The following PHYH variants were observed in gnomAD, a reference collection of about 807,000 sequenced individuals.
PHYH encodes the protein phytanoyl-CoA 2-hydroxylase, also known as phytanoyl-CoA dioxygenase, peroxisomal.
In PHYH, 32 loss-of-function variants were observed where a neutral mutation model predicts 38.5. The ratio of observed to expected loss-of-function variants is 0.83; its 90% CI spans 0.63 to 1.12. PHYH has a LOEUF of 1.12. PHYH is among the 50% of genes most tolerant of loss of function. PHYH has a pLI of 0.00. For synonymous variants in PHYH, 166 were observed against 157.9 expected (o/e 1.05, Z -0.38); for missense variants, 426 against 434.8 (o/e 0.98, Z 0.18).
At chr10:13,285,946 C>T (rs1835538792) in intron 6 of PHYH, among the ~76,000 whole-genome samples, 2 of 150,860 alleles carry the variant, frequency 1.3e-5, no homozygotes, top group South Asian at 4.2e-4. Context: ...CTTGCTCTGT[C>T]ACCCAGGCTG....
Position 13,288,526 on chromosome 10 carries a change from C to G in PHYH, c.512G>C (p.Arg171Pro), listed in dbSNP as rs752028596. 6.2e-7 allele frequency: 1 copy of G among 1,614,042 alleles called. No homozygotes were observed. Among genetic ancestry groups the G allele is most frequent in the Non-Finnish European group, 8.5e-7 (1 of 1,180,012 alleles). ...GTGCAGGTCCTGGTGCAGGGGGTGACGGGACGTCTTCTTGCCTGAAAAGAA... is the reference window on the plus strand; with the variant it reads ...GTGCAGGTCCTGGTGCAGGGGGTGAGGGGACGTCTTCTTGCCTGAAAAGAA... ...KPPDSGKKTS[R>P]HPLHQDLHYF... The change falls in exon 6 of 9, where the codon CGT (arginine) becomes CCT (proline). Residue 171 changes from arginine (R) to proline (P), a missense_variant. Physicochemically the swap from Arg to Pro is moderately radical, Grantham distance 103. Transcript: ENST00000263038.
At chr10:13,279,310 T>C (rs1835361394) in intron 8 of PHYH, among the ~76,000 whole-genome samples, 1 of 152,204 alleles carries the variant, frequency 6.6e-6, no homozygotes, top group Non-Finnish European at 1.5e-5. Flanking sequence ...ATGACTCTTA[T>C]GTTACTTGTC....
At chr10:13,291,553 C>CA (rs1210924689) in intron 5 of PHYH, 6 of 457,512 alleles carry the variant, frequency 1.3e-5, no homozygotes, top group African/African-American at 1.2e-4. Flanking sequence ...ATTATAGGTT[C>CA]ACTGCAGCCT....
chr10:13,286,163 T>A (rs1166764454), intron 6 of PHYH, among the ~76,000 whole-genome samples: 1 of 152,120 alleles, frequency 6.6e-6, no homozygotes, highest in Non-Finnish European at 1.5e-5. Flanking sequence ...CCTCCCACTT[T>A]GGCTCCCACA....
At chr10:13,284,478 C>T (rs1183874984) in intron 6 of PHYH, among the ~76,000 whole-genome samples, 3 of 152,124 alleles carry the variant, frequency 2.0e-5, no homozygotes, top group African/African-American at 7.2e-5. Context: ...TTAATGCAGG[C>T]AACCACCTAT....
intron 5 of PHYH, among the ~76,000 whole-genome samples, chr10:13,289,707 A>T (rs1835655148): frequency 6.6e-6 from 1 of 151,852 alleles, no homozygotes; most frequent in Admixed American, 6.6e-5. Context: ...TGAGGCAGGC[A>T]GCTCTCTTGA....
intron 5 of PHYH, 112 bp downstream of exon 5, chr10:13,291,719 T>G: frequency 1.3e-6 from 1 of 742,874 alleles, no homozygotes; most frequent in East Asian, 2.6e-5. Flanking sequence ...GCCTCAGAGA[T>G]CTTCCTCCCT....
chr10:13,298,367 G>GA (rs1832633667), intron 1 of PHYH, 122 bp from the exon 2 acceptor site: 1 of 650,198 alleles, frequency 1.5e-6, no homozygotes, highest in Admixed American at 2.2e-5. Flanking sequence ...AGGAGTTCGA[G>GA]ACCAGCCTGG....
intron 6 of PHYH, 79 bp downstream of exon 6, chr10:13,288,280 TA>T: frequency 1.6e-6 from 2 of 1,248,296 alleles, no homozygotes; most frequent in Non-Finnish European, 2.4e-6. Flanking sequence ...ATCTCATTTG[TA>T]AACTCTTTAG....
chr10:13,294,638 C>G (rs1202021622), intron 3 of PHYH, 42 bp from the exon 4 acceptor site: 1 of 1,570,402 alleles, frequency 6.4e-7, no homozygotes. Context: ...ACCGCTGGCT[C>G]CAAGCACCTG....
intron 1 of PHYH, 145 bp downstream of exon 1, chr10:13,299,823 C>T (rs1476323625): frequency 7.6e-7 from 1 of 1,321,854 alleles, no homozygotes; most frequent in Non-Finnish European, 9.6e-7. Context: ...AGAGACGCGA[C>T]CCAGGCGGGG....
chr10:13,284,647 A>G (rs55673722), intron 6 of PHYH, among the ~76,000 whole-genome samples: 8 of 152,324 alleles, frequency 5.3e-5, no homozygotes, highest in African/African-American at 1.7e-4. Flanking sequence ...TCTGAGCTCA[A>G]AGGCACTTAT....
At chr10:13,289,643 A>T (rs1304633393) in intron 5 of PHYH, among the ~76,000 whole-genome samples, 1 of 152,136 alleles carries the variant, frequency 6.6e-6, no homozygotes, top group African/African-American at 2.4e-5. Flanking sequence ...TGTCAAAAAA[A>T]GTTCTAAGCC....
intron 6 of PHYH, among the ~76,000 whole-genome samples, chr10:13,284,657 T>A (rs1032212395): frequency 6.6e-6 from 1 of 152,228 alleles, no homozygotes; most frequent in Non-Finnish European, 1.5e-5. Context: ...AAGGCACTTA[T>A]GTTACATCCA....
chr10:13,284,189 G>A lies in PHYH; in HGVS notation c.679-350C>T, dbSNP rs192609929. ...ACTGCAAAAATTAGCTGGGCGTGGT[G>A]GTGCCAGCCTGTGGTCCCAGCTACT... is the stretch of plus-strand genomic sequence containing the variant. On this transcript the variant is annotated intron_variant, in intron 6 of 8. Coordinates refer to ENST00000263038, the MANE Select transcript of PHYH (RefSeq NM_006214.4). Among the ~76,000 whole-genome samples the A allele has an allele frequency of 7.9e-5, 12 of 152,228 alleles. No homozygotes were observed. In the East Asian group the frequency reaches 2.1e-3, roughly 27 times the overall value.
chr10:13,286,313 T>C (rs1243552170), intron 6 of PHYH, among the ~76,000 whole-genome samples: 1 of 152,132 alleles, frequency 6.6e-6, no homozygotes. Flanking sequence ...CCATCACTCA[T>C]GAGCTCAAAT....
In PHYH at chr10:13,280,030, A is replaced by G. The variant is rs1239722821; in HGVS notation, c.963+946T>C. The stretch of plus-strand genomic sequence containing the variant: ...GTCGCCCAGGCTGGAGTGCAGTGGC[A>G]TGATCTCGGCTCACTGCAAGCTCCG... On this transcript the variant is annotated intron_variant, in intron 8 of 8. Coordinates refer to ENST00000263038, the MANE Select transcript of PHYH (RefSeq NM_006214.4). Among the ~76,000 whole-genome samples the G allele has an allele frequency of 6.6e-5, 10 of 150,778 alleles. No individual in the cohort carries two copies. In the East Asian group the frequency reaches 1.8e-3, roughly 27 times the overall value.
intron 3 of PHYH, 35 bp from the exon 4 acceptor site, chr10:13,294,631 G>C: frequency 6.3e-7 from 1 of 1,598,982 alleles, no homozygotes; most frequent in Non-Finnish European, 8.6e-7. Flanking sequence ...TGTCGTTACC[G>C]CTGGCTCCAA....
At chr10:13,299,638 C>T (rs1564431648) in intron 1 of PHYH, 1 of 1,148,026 alleles carries the variant, frequency 8.7e-7, no homozygotes, top group African/African-American at 1.7e-5. Flanking sequence ...ATCTCTGGGT[C>T]TCTGGACAGC....
Sources: gnomAD v4.1 joint callset for allele counts (sites outside exome capture counted in the v4.1 genomes callset) on GRCh38, gnomAD v4.1.1 for gene constraint, MANE v1.5 for transcripts, NCBI Gene and HGNC (gene_info 2026-07-23, HGNC 2026-07-21) for gene names.